FAN1: variants seen among roughly 807,000 people sequenced by gnomAD.
The protein encoded by FAN1 is fanconi-associated nuclease 1.
A neutral mutation model predicts 104.9 loss-of-function variants in FAN1; 91 were observed. The ratio of observed to expected loss-of-function variants is 0.87; its 90% CI spans 0.73 to 1.03. The LOEUF is 1.03. FAN1 is among the 50% of genes least tolerant of loss of function. The probability of loss-of-function intolerance (pLI) is 0.00; values close to 1 mark genes in which losing one functional copy is unlikely to be tolerated. For missense variants in FAN1, 1,263 were observed against 1,239.9 expected (o/e 1.02, Z -0.28); for synonymous variants, 478 against 457.6 (o/e 1.04, Z -0.57).
rs773755093 is a variant in FAN1, at chr15:30,904,578, CAAG to C, written c.-83_-81del. 9 of 1,366,548 alleles carry C rather than the reference CAAG, an allele frequency of 6.6e-6. No homozygotes were observed. The African/African-American group carries it at 1.3e-4, about 19-fold the overall frequency. 84.7% of individuals were successfully genotyped at this position (1,366,548 alleles called of 1,614,324 possible). ...AATCCCACTTTTGGTGATTTCAAGT[CAAG>C]AAAGTAAAAGTAAACCATTGCTATC... is the stretch of plus-strand genomic sequence containing the variant. On this transcript the variant is annotated 5_prime_UTR_variant, in exon 2 of 15. Transcript: ENST00000362065.
intron 10 of FAN1, chr15:30,928,089 C>G: frequency 1.0e-6 from 1 of 999,936 alleles, no homozygotes; most frequent in Non-Finnish European, 1.2e-6. Flanking sequence ...ACGGAGGTGG[C>G]TGCTGCCGGC....
At chr15:30,912,514 C>T (rs1205590633) in intron 4 of FAN1, among the ~76,000 whole-genome samples, 1 of 152,204 alleles carries the variant, frequency 6.6e-6, no homozygotes, top group Non-Finnish European at 1.5e-5. Context: ...TACTTTGGGG[C>T]AGTCTGTAGA....
chr15:30,942,860 C>G lies in FAN1; in HGVS notation c.*1298C>G. ...AAGAGGTGTTTGGTTACGTGTGAGC[C>G]AACATCACGTTTTGTTAGCTGTGAT... On this transcript the variant is annotated 3_prime_UTR_variant, in exon 15 of 15. Transcript: ENST00000362065. The G allele has an allele frequency of 6.5e-7, 1 of 1,537,180 alleles. No individual in the cohort carries two copies. Among genetic ancestry groups the G allele is most frequent in the East Asian group, 2.4e-5 (1 of 41,422 alleles).
intron 14 of FAN1, chr15:30,941,064 T>C (rs1299441142): frequency 6.7e-6 from 8 of 1,199,048 alleles, no homozygotes; most frequent in Non-Finnish European, 8.4e-6. Context: ...TAAAACCTGC[T>C]GGAGGTTTTA....
rs2062102561 is a variant in FAN1, at chr15:30,911,609, A to G, written c.1577+794A>G. ...TTATAGATTTTTAAAAAGTACTTCAATAAATTACATACTTGTAATTAATTG... is the reference window on the plus strand; with the variant it reads ...TTATAGATTTTTAAAAAGTACTTCAGTAAATTACATACTTGTAATTAATTG... On this transcript the variant is annotated intron_variant, in intron 4 of 14. Transcript: ENST00000362065. The G allele has an allele frequency of 7.4e-6, 7 of 944,556 alleles. No homozygotes were observed. The South Asian group carries it at 3.0e-4, about 40-fold the overall frequency. The allele number at this position is 944,556 out of a possible 1,614,324, so 58.5% of individuals were successfully genotyped here. A position where few individuals can be genotyped will look rare whatever the true frequency, so the allele number is the denominator to read the frequency against.
At position 30,942,492 on chromosome 15, in the gene FAN1, G is replaced by T; in HGVS notation, c.*930G>T. ...AATTTTCTACCAAAAAAAATCCCAAGAATTTATTTGGGAATTATTAAAAAG... is the reference window on the plus strand; with the variant it reads ...AATTTTCTACCAAAAAAAATCCCAATAATTTATTTGGGAATTATTAAAAAG... On this transcript the variant is annotated 3_prime_UTR_variant, in exon 15 of 15. Coordinates refer to ENST00000362065, the MANE Select transcript of FAN1 (RefSeq NM_014967.5). 1 of 260,036 alleles carries T rather than the reference G, an allele frequency of 3.8e-6. No homozygotes were observed. The highest frequency in any genetic ancestry group is 8.0e-5 in the East Asian group (1 of 12,510). The allele number at this position is 260,036 out of a possible 1,614,324, so 16.1% of individuals were successfully genotyped here. A position where few individuals can be genotyped will look rare whatever the true frequency, so the allele number is the denominator to read the frequency against.
intron 5 of FAN1, among the ~76,000 whole-genome samples, chr15:30,915,879 A>G (rs924714338): frequency 1.3e-5 from 2 of 152,214 alleles, no homozygotes; most frequent in African/African-American, 4.8e-5. Context: ...TGGATTTCCT[A>G]AAATGTCACT....
chr15:30,906,504 G>T, intron 2 of FAN1: 1 of 456,710 alleles, frequency 2.2e-6, no homozygotes, highest in South Asian at 1.5e-5. Context: ...CAGCAGTGCA[G>T]GTTTGTAGTA....
chr15:30,927,080 G>C, intron 10 of FAN1: 1 of 960,474 alleles, frequency 1.0e-6, no homozygotes, highest in Non-Finnish European at 1.2e-6. Context: ...GGGAGGCTGA[G>C]ACAGGAGGAT....
intron 11 of FAN1, 114 bp downstream of exon 11, chr15:30,928,770 T>G: frequency 6.5e-7 from 1 of 1,549,640 alleles, no homozygotes; most frequent in Non-Finnish European, 8.7e-7. Context: ...TACGGTCCTT[T>G]GGGTCATCCA....
In FAN1 at chr15:30,941,980, C is replaced by T. The variant is rs554814087; in HGVS notation, c.*418C>T. Reference sequence around the variant, plus strand: ...CTGGATCTGGCTTTGGTTTTAATATCAATGAATTTCTCCTTGGAAGTAATT... The same window carrying T: ...CTGGATCTGGCTTTGGTTTTAATATTAATGAATTTCTCCTTGGAAGTAATT... On this transcript the variant is annotated 3_prime_UTR_variant, in exon 15 of 15. Coordinates refer to ENST00000362065, the MANE Select transcript of FAN1 (RefSeq NM_014967.5). 1.2e-6 allele frequency: 2 copies of T among 1,613,950 alleles called. No homozygotes were observed. The highest frequency in any genetic ancestry group is 2.7e-5 in the African/African-American group (2 of 75,024).
chr15:30,921,912 C>T (rs1024413107), intron 7 of FAN1, among the ~76,000 whole-genome samples: 3 of 152,208 alleles, frequency 2.0e-5, no homozygotes, highest in African/African-American at 7.2e-5. Context: ...GTGACCAGTG[C>T]TCAGCTGCCT....
At chr15:30,907,672 C>G (rs541058793) in intron 2 of FAN1, among the ~76,000 whole-genome samples, 2 of 152,030 alleles carry the variant, frequency 1.3e-5, no homozygotes, top group African/African-American at 2.4e-5. Flanking sequence ...TAGAGTTGGC[C>G]GAAATTTAAA....
chr15:30,941,606 T>G lies in FAN1; in HGVS notation c.*44T>G. On this transcript the variant is annotated 3_prime_UTR_variant, in exon 15 of 15. Transcript: ENST00000362065. ...AAATGGAAATGAGGAGGAGAGAAACTCCGGTGTCCCCGAGGTGTCGGTGTG... is the reference window on the plus strand; with the variant it reads ...AAATGGAAATGAGGAGGAGAGAAACGCCGGTGTCCCCGAGGTGTCGGTGTG... 6.2e-7 allele frequency: 1 copy of G among 1,600,708 alleles called. No homozygotes were observed. The highest frequency in any genetic ancestry group is 8.5e-7 in the Non-Finnish European group (1 of 1,173,154).
chr15:30,914,643 G>A (rs1335983551), intron 5 of FAN1, among the ~76,000 whole-genome samples: 1 of 152,182 alleles, frequency 6.6e-6, no homozygotes. Context: ...TGGGATTATA[G>A]GCGTGAACCA....
chr15:30,936,985 TTG>T, intron 13 of FAN1, 132 bp from the exon 14 acceptor site: 3 of 715,904 alleles, frequency 4.2e-6, no homozygotes, highest in Non-Finnish European at 7.0e-6. Flanking sequence ...ATCCGTATAT[TTG>T]TGTTACACTT....
chr15:30,939,478 T>C (rs1272722971), intron 14 of FAN1: 2 of 985,244 alleles, frequency 2.0e-6, no homozygotes, highest in Non-Finnish European at 2.4e-6. Context: ...TTGTTTTTCA[T>C]ATTATGCACA....
Position 30,941,618 on chromosome 15 carries a change from G to A in FAN1, c.*56G>A, listed in dbSNP as rs200305641. ...GGAGGAGAGAAACTCCGGTGTCCCC[G>A]AGGTGTCGGTGTGGTGAGGGCCGCT... On this transcript the variant is annotated 3_prime_UTR_variant, in exon 15 of 15. Transcript: ENST00000362065. The A allele has an allele frequency of 2.2e-5, 35 of 1,603,824 alleles. No homozygotes were observed. The African/African-American group carries it at 3.3e-4, about 15-fold the overall frequency.
rs774210518 is a variant in FAN1 at position 30,905,398 on chromosome 15, C to G, written c.735C>G (p.Thr245=). The G allele has an allele frequency of 4.3e-6, 7 of 1,614,052 alleles. No homozygotes were observed. Among genetic ancestry groups the G allele is most frequent in the South Asian group, 3.3e-5 (3 of 91,070 alleles). Residue 245 remains threonine, a synonymous_variant, in exon 2 of 15, where the codon ACC becomes ACG. Transcript: ENST00000362065. ...KIMEAESQKA[T]RECEKSALTP... ...TGGAAGCCGAAAGCCAAAAGGCTAC[C>G]CGGGAATGTGAGAAATCAGCCCTCA...
Sources: allele counts gnomAD v4.1 joint callset (sites outside exome capture counted in the v4.1 genomes callset), GRCh38; gene constraint gnomAD v4.1.1; transcripts MANE v1.5; gene names NCBI Gene and HGNC (gene_info 2026-07-23, HGNC 2026-07-21).